Variants in PPFIA3 observed in about 807,000 individuals in gnomAD.
The protein encoded by PPFIA3 is PPFI scaffold protein A3.
A neutral mutation model predicts 145.8 loss-of-function variants in PPFIA3; 26 were observed. The observed-to-expected ratio is 0.18, with a 90% confidence interval of 0.13 to 0.25. The LOEUF (loss-of-function observed/expected upper bound fraction) is 0.25, where lower values mean the gene tolerates loss of function less well. Among genes scored for constraint, PPFIA3 ranks in the 10% least tolerant of loss-of-function variants. The pLI is 1.00. For missense variants in PPFIA3, 1,008 were observed against 1,587.8 expected (o/e 0.63, Z 6.21); for synonymous variants, 645 against 661.4 (o/e 0.98, Z 0.38).
chr19:49,148,793 G>C, intron 25 of PPFIA3, 30 bp downstream of exon 25: 1 of 1,593,758 alleles, frequency 6.3e-7, no homozygotes, highest in South Asian at 1.1e-5. Context: ...CCCTTTGGGA[G>C]CCAGGTGGAG....
intron 1 of PPFIA3, among the ~76,000 whole-genome samples, 159 bp downstream of exon 1, chr19:49,119,881 C>A (rs983205962): frequency 6.6e-6 from 1 of 151,912 alleles, no homozygotes; most frequent in Non-Finnish European, 1.5e-5. Context: ...GTGCCCCTCC[C>A]GGCGCCCAGA....
At chr19:49,148,854 A>C in intron 25 of PPFIA3, 91 bp downstream of exon 25, 2 of 1,510,370 alleles carry the variant, frequency 1.3e-6, no homozygotes, top group Non-Finnish European at 1.8e-6. Flanking sequence ...CCGGAGAAGC[A>C]AATTGGCACC....
At chr19:49,131,335 AT>A (rs10553520) in intron 7 of PPFIA3, among the ~76,000 whole-genome samples, 14,853 of 108,038 alleles carry the variant, frequency 0.14, 938 homozygotes, top group Non-Finnish European at 0.19. Context: ...CACCTGGCTA[AT>A]TTTTTTTTTT....
At chr19:49,144,959 T>G (rs2041264512) in intron 21 of PPFIA3, among the ~76,000 whole-genome samples, 1 of 149,832 alleles carries the variant, frequency 6.7e-6, no homozygotes, top group African/African-American at 2.5e-5. Flanking sequence ...GAGATGGAGT[T>G]TCACTCTGTC....
chr19:49,149,708 G>A lies in PPFIA3; in HGVS notation c.3516G>A (p.Leu1172=). The A allele has an allele frequency of 3.1e-6, 5 of 1,608,856 alleles. No homozygotes were observed. The highest frequency in any genetic ancestry group is 4.2e-6 in the Non-Finnish European group (5 of 1,177,408). ...CTCCGGGGCTCCCTCTCCGCAAGCT[G>A]CAGCCAGAAGGTGGGGGGCTCCCAA... The part of the protein sequence containing the change: ...LGSPGLPLRK[L]QPEGQTSGSS... Residue 1172 remains leucine, a synonymous_variant, in exon 28 of 30, where the codon CTG becomes CTA. Transcript: ENST00000334186. This position sits in a 1 kb window ranked among gnomAD's most constrained non-coding sequence, Gnocchi z 5.7.
At chr19:49,148,953 C>A (rs1420624528) in intron 25 of PPFIA3, 40 bp from the exon 26 acceptor site, 1 of 1,605,596 alleles carries the variant, frequency 6.2e-7, no homozygotes, top group Non-Finnish European at 8.5e-7. Flanking sequence ...ACTCTCCAGG[C>A]CACGGGAGGG....
chr19:49,149,433 G>C lies in PPFIA3; in HGVS notation c.3354+108G>C. ...ATGGTCACGGTTGGAGGCGGGGCCA[G>C]GAGAGGGGCGGGGTTAAAGGAGAGG... On this transcript the variant is annotated intron_variant, in intron 27 of 29. Transcript: ENST00000334186. The surrounding 1 kb of genome is among the most constrained non-coding windows in gnomAD (Gnocchi z 5.7). 1.3e-6 allele frequency: 2 copies of C among 1,584,096 alleles called. No individual in the cohort carries two copies. Among genetic ancestry groups the C allele is most frequent in the South Asian group, 2.2e-5 (2 of 90,090 alleles).
rs936244415 is a variant in PPFIA3, at chr19:49,127,724, G to A, written c.-15-135G>A. On this transcript the variant is annotated intron_variant, in intron 1 of 29. Coordinates refer to ENST00000334186, the MANE Select transcript of PPFIA3 (RefSeq NM_003660.4). ...CCCTGTGTCATGATCACAGTGCCTG[G>A]GCCTCAGTTTCTTCTGTGCAGTGCT... The A allele has an allele frequency of 3.0e-6, 3 of 1,005,926 alleles. No homozygotes were observed. In the African/African-American group the frequency reaches 5.2e-5, roughly 17 times the overall value. 62.3% of individuals were successfully genotyped at this position (1,005,926 alleles called of 1,614,324 possible). A position where few individuals can be genotyped will look rare whatever the true frequency, so the allele number is the denominator to read the frequency against.
rs11304397 is a variant in PPFIA3 at position 49,127,080 on chromosome 19, C to CAA, written c.-15-759_-15-758dup. 2.0e-3 allele frequency among the ~76,000 whole-genome samples: 143 copies of CAA among 69,784 alleles called. 1 individual carries two copies. The highest frequency in any genetic ancestry group is 0.01 in the Middle Eastern group (1 of 98). The allele number at this position is 69,784 out of a possible 152,430, so 45.8% of individuals were successfully genotyped here. A position where few individuals can be genotyped will look rare whatever the true frequency, so the allele number is the denominator to read the frequency against. On this transcript the variant is annotated intron_variant, in intron 1 of 29. Transcript: ENST00000334186. ...GTCCAGGAGTGAGACCTCATCTCCA[C>CAA]AAAAAAAAAAAAAAAAAAAAAGGTC...
chr19:49,130,323 C>A lies in PPFIA3; in HGVS notation c.658-55C>A. ...GCTGATTGACTTTCTCCTTGGATTT[C>A]CTCTGTGTCTCCGGAGACACTCTGG... is the stretch of plus-strand genomic sequence containing the variant. On this transcript the variant is annotated intron_variant, in intron 6 of 29. Transcript: ENST00000334186. This position sits in a 1 kb window ranked among gnomAD's most constrained non-coding sequence, Gnocchi z 4.5. 6.8e-7 allele frequency: 1 copy of A among 1,467,132 alleles called. No individual in the cohort carries two copies. Among genetic ancestry groups the A allele is most frequent in the East Asian group, 2.4e-5 (1 of 41,818 alleles). The allele number at this position is 1,467,132 out of a possible 1,614,324, so 90.9% of individuals were successfully genotyped here. A position where few individuals can be genotyped will look rare whatever the true frequency, so the allele number is the denominator to read the frequency against.
chr19:49,131,335 ATT>A (rs10553520), intron 7 of PPFIA3, among the ~76,000 whole-genome samples: 4,356 of 108,398 alleles, frequency 0.04, 90 homozygotes, highest in Middle Eastern at 0.059. Context: ...CACCTGGCTA[ATT>A]TTTTTTTTTT....
intron 21 of PPFIA3, among the ~76,000 whole-genome samples, chr19:49,143,767 G>T (rs1350172488): frequency 2.0e-5 from 3 of 152,176 alleles, no homozygotes; most frequent in African/African-American, 7.2e-5. Context: ...TACTTGCTCT[G>T]TTGTGTGTGT....
intron 1 of PPFIA3, 83 bp from the exon 2 acceptor site, chr19:49,127,776 C>A: frequency 6.7e-7 from 1 of 1,501,208 alleles, no homozygotes; most frequent in Non-Finnish European, 8.9e-7. Context: ...ATTTCCCCTA[C>A]GTGGTATCCG....
At chr19:49,134,419 C>T (rs1481432825) in intron 11 of PPFIA3, among the ~76,000 whole-genome samples, 1 of 152,206 alleles carries the variant, frequency 6.6e-6, no homozygotes, top group African/African-American at 2.4e-5. Context: ...CCCCATGGGT[C>T]TCCAAACCCT....
Position 49,149,181 on chromosome 19 carries a change from T to G in PPFIA3, c.3285+13T>G. 1 of 1,613,892 alleles carries G rather than the reference T, an allele frequency of 6.2e-7. No homozygotes were observed. Among genetic ancestry groups the G allele is most frequent in the Non-Finnish European group, 8.5e-7 (1 of 1,179,912 alleles). On this transcript the variant is annotated intron_variant, in intron 26 of 29. Coordinates refer to ENST00000334186, the MANE Select transcript of PPFIA3 (RefSeq NM_003660.4). The surrounding 1 kb of genome is among the most constrained non-coding windows in gnomAD (Gnocchi z 5.7). ...GCAGAATGCACAGGTGAGCTGCCGC[T>G]GGGCCCGGAGCATGCTGGGCGTCCC...
intron 23 of PPFIA3, 39 bp from the exon 24 acceptor site, chr19:49,148,044 A>G: frequency 6.3e-7 from 1 of 1,582,784 alleles, no homozygotes; most frequent in Non-Finnish European, 8.6e-7. Flanking sequence ...GGAAGGGGCC[A>G]GAGGGCCTGA....
intron 11 of PPFIA3, 134 bp downstream of exon 11, chr19:49,134,299 C>A: frequency 8.0e-7 from 1 of 1,245,544 alleles, no homozygotes; most frequent in Non-Finnish European, 1.1e-6. Context: ...AGTTGGGCAG[C>A]CTTCTCTGCT....
chr19:49,133,217 C>T lies in PPFIA3; in HGVS notation c.1027-20C>T. ...CAAGTGACCCAGCCCGTCCCCTCCC[C>T]CTGCCTCTCCCTCCCCCAGAGTGAA... is the stretch of plus-strand genomic sequence containing the variant. On this transcript the variant is annotated intron_variant, in intron 8 of 29. Coordinates refer to ENST00000334186, the MANE Select transcript of PPFIA3 (RefSeq NM_003660.4). This position sits in a 1 kb window ranked among gnomAD's most constrained non-coding sequence, Gnocchi z 7.2. 6.3e-7 allele frequency: 1 copy of T among 1,593,452 alleles called. No homozygotes were observed.
chr19:49,134,509 C>A, intron 11 of PPFIA3, 130 bp from the exon 12 acceptor site: 1 of 879,890 alleles, frequency 1.1e-6, no homozygotes, highest in Non-Finnish European at 1.9e-6. Flanking sequence ...TCCCCCGAAA[C>A]TCACCACTTG....
Sources: gnomAD v4.1 joint callset for allele counts (sites outside exome capture counted in the v4.1 genomes callset) on GRCh38, gnomAD v4.1.1 for gene constraint, Gnocchi (gnomAD v3.1) non-coding constraint, MANE v1.5 for transcripts, NCBI Gene and HGNC (gene_info 2026-07-23, HGNC 2026-07-21) for gene names.